AKR1C8: variants seen among roughly 807,000 people sequenced by gnomAD.
The protein encoded by AKR1C8 is aldo-keto reductase family 1 member C8.
chr10:5,166,642 A>G, the AKR1C8 span, among the ~76,000 whole-genome samples: 117 of 152,374 alleles, frequency 7.7e-4, 2 homozygotes, highest in East Asian at 0.019. Flanking sequence ...TTAATTTAAG[A>G]TGGGTTAAAG....
chr10:5,161,697 G>C, the AKR1C8 span: 1 of 533,404 alleles, frequency 1.9e-6, no homozygotes, highest in South Asian at 1.4e-5. Context: ...TCACTCAATT[G>C]TGAAAGATAC....
the AKR1C8 span, among the ~76,000 whole-genome samples, chr10:5,164,745 A>C: frequency 1.3e-5 from 2 of 152,218 alleles, no homozygotes; most frequent in Admixed American, 1.3e-4. Context: ...CCTACCTGTC[A>C]CATGCAGCTG....
At chr10:5,170,343 C>T in the AKR1C8 span, among the ~76,000 whole-genome samples, 1 of 152,202 alleles carries the variant, frequency 6.6e-6, no homozygotes. Context: ...AATTTTCTCT[C>T]TTCAGTTTCC....
the AKR1C8 span, among the ~76,000 whole-genome samples, chr10:5,119,127 T>C: frequency 6.6e-6 from 1 of 152,234 alleles, no homozygotes; most frequent in Non-Finnish European, 1.5e-5. Flanking sequence ...TCAAGGCATT[T>C]ACATTTTATT....
chr10:5,154,032 C>CA, the AKR1C8 span: 1 of 287,876 alleles, frequency 3.5e-6, no homozygotes, highest in South Asian at 3.6e-5. Flanking sequence ...GAAAGGCAAG[C>CA]AACCTGCAAC....
the AKR1C8 span, among the ~76,000 whole-genome samples, chr10:5,173,584 C>CA: frequency 6.6e-6 from 1 of 150,850 alleles, no homozygotes; most frequent in East Asian, 2.0e-4. Flanking sequence ...CTTATACAGC[C>CA]AAAAAAGACT....
the AKR1C8 span, among the ~76,000 whole-genome samples, chr10:5,144,161 T>G: frequency 6.6e-6 from 1 of 152,264 alleles, no homozygotes; most frequent in Admixed American, 6.5e-5. Flanking sequence ...TTTTCTCAGG[T>G]TTGTCAAAGA....
chr10:5,160,031 G>C, the AKR1C8 span: 7 of 327,542 alleles, frequency 2.1e-5, no homozygotes, highest in South Asian at 1.6e-4. Context: ...ATGGGTGATA[G>C]ACCTTTAGTG....
chr10:5,148,335 C>T, the AKR1C8 span, among the ~76,000 whole-genome samples: 1 of 152,076 alleles, frequency 6.6e-6, no homozygotes, highest in Non-Finnish European at 1.5e-5. Context: ...CAATAACACT[C>T]ATGTGCCTCA....
At chr10:5,137,896 G>A in the AKR1C8 span, among the ~76,000 whole-genome samples, 1 of 152,010 alleles carries the variant, frequency 6.6e-6, no homozygotes, top group African/African-American at 2.4e-5. Context: ...ACAGGGAATA[G>A]GTACAAAGAT....
At chr10:5,143,312 G>C in the AKR1C8 span, among the ~76,000 whole-genome samples, 1 of 152,100 alleles carries the variant, frequency 6.6e-6, no homozygotes, top group East Asian at 1.9e-4. Context: ...CTTTGAACTT[G>C]TTCACGAGTG....
chr10:5,119,862 G>C, the AKR1C8 span, among the ~76,000 whole-genome samples: 1 of 152,168 alleles, frequency 6.6e-6, no homozygotes. Flanking sequence ...GAATGCAAGT[G>C]TTTTTCCGAA....
At chr10:5,157,209 G>T in the AKR1C8 span, among the ~76,000 whole-genome samples, 6 of 36,070 alleles carry the variant, frequency 1.7e-4, no homozygotes, top group African/African-American at 5.1e-4. Context: ...AGTCATGCCA[G>T]GCCAGGGGCT....
the AKR1C8 span, among the ~76,000 whole-genome samples, chr10:5,160,570 C>A: frequency 2.0e-5 from 3 of 152,156 alleles, no homozygotes; most frequent in East Asian, 3.9e-4. Context: ...CATCCTCAAC[C>A]TGATCTCAAG....
chr10:5,178,453 T>C, the AKR1C8 span, among the ~76,000 whole-genome samples: 1 of 152,182 alleles, frequency 6.6e-6, no homozygotes, highest in Non-Finnish European at 1.5e-5. Flanking sequence ...AAATGTATAT[T>C]CTGTTGATTT....
chr10:5,149,265 C>A, the AKR1C8 span, among the ~76,000 whole-genome samples: 1 of 152,042 alleles, frequency 6.6e-6, no homozygotes, highest in Non-Finnish European at 1.5e-5. Flanking sequence ...TTGAAACATA[C>A]TTTTTCTCTC....
At chr10:5,118,226 C>A in the AKR1C8 span, among the ~76,000 whole-genome samples, 2 of 151,724 alleles carry the variant, frequency 1.3e-5, no homozygotes, top group African/African-American at 2.4e-5. Context: ...GGAAGTTAAC[C>A]AAAAAAAGGC....
At chr10:5,175,662 G>A in the AKR1C8 span, among the ~76,000 whole-genome samples, 2 of 152,114 alleles carry the variant, frequency 1.3e-5, no homozygotes, top group Admixed American at 6.5e-5. Context: ...TTTAATGATT[G>A]CCATTCTAAC....
the AKR1C8 span, among the ~76,000 whole-genome samples, chr10:5,138,219 T>C: frequency 2.0e-5 from 3 of 152,036 alleles, no homozygotes; most frequent in Non-Finnish European, 2.9e-5. Context: ...CCAGGGTGTA[T>C]CTCAGCCCTT....
Sources: gnomAD v4.1 joint callset for allele counts (sites outside exome capture counted in the v4.1 genomes callset) on GRCh38, gnomAD v4.1.1 for gene constraint, MANE v1.5 for transcripts, NCBI Gene and HGNC (gene_info 2026-07-23, HGNC 2026-07-21) for gene names.